Variants in CENPP observed in about 807,000 individuals in gnomAD.
CENPP encodes the protein centromere protein P.
Under a neutral mutation model 35.6 loss-of-function variants are expected in CENPP, and 24 were observed. The observed-to-expected ratio is 0.67, with a 90% CI of 0.49 to 0.95. The LOEUF (loss-of-function observed/expected upper bound fraction) is 0.95. CENPP is among the 40% of genes least tolerant of loss of function. CENPP has a pLI of 0.00. For synonymous variants in CENPP, 120 were observed against 125.5 expected (o/e 0.96, Z 0.29); for missense variants, 332 against 345.3 (o/e 0.96, Z 0.31).
At chr9:92,524,038 C>T (rs561162675) in intron 5 of CENPP, among the ~76,000 whole-genome samples, 1 of 152,334 alleles carries the variant, frequency 6.6e-6, no homozygotes, top group East Asian at 1.9e-4. Flanking sequence ...ACATGGCCCC[C>T]TCTCTGGGCC....
intron 5 of CENPP, among the ~76,000 whole-genome samples, chr9:92,395,277 T>G (rs1426692197): frequency 6.6e-6 from 1 of 152,192 alleles, no homozygotes; most frequent in African/African-American, 2.4e-5. Flanking sequence ...GAATTTTATA[T>G]TAAAAGAATC....
intron 5 of CENPP, among the ~76,000 whole-genome samples, chr9:92,411,385 G>C (rs1272467363): frequency 6.6e-6 from 1 of 152,030 alleles, no homozygotes; most frequent in Non-Finnish European, 1.5e-5. Context: ...ATGTCCACTT[G>C]CTAGGCTCAG....
intron 1 of CENPP, among the ~76,000 whole-genome samples, chr9:92,329,785 T>C (rs1466070731): frequency 6.6e-6 from 1 of 152,192 alleles, no homozygotes; most frequent in African/African-American, 2.4e-5. Context: ...TTGGCCCGAC[T>C]GGTCTTGAAC....
rs904980483 is a variant in CENPP, at chr9:92,491,039, C to T, written c.564+111180C>T. 5.3e-5 allele frequency among the ~76,000 whole-genome samples: 8 copies of T among 152,046 alleles called. No individual in the cohort carries two copies. In the South Asian group the frequency reaches 6.2e-4, roughly 12 times the overall value. On this transcript the variant is annotated intron_variant, in intron 5 of 7. Transcript: ENST00000375587. ...GAGATGGAACTCTTTATTCAAGAGACGTTTTAGCACCTACTTTGCACAAAT... is the reference window on the plus strand; with the variant it reads ...GAGATGGAACTCTTTATTCAAGAGATGTTTTAGCACCTACTTTGCACAAAT...
At chr9:92,403,240 AT>A (rs758873702) in intron 5 of CENPP, 4 of 1,562,496 alleles carry the variant, frequency 2.6e-6, no homozygotes, top group African/African-American at 2.7e-5. Flanking sequence ...GTACCTTAAT[AT>A]TTTTTCCATC....
intron 5 of CENPP, among the ~76,000 whole-genome samples, chr9:92,462,479 A>G (rs763612549): frequency 4.6e-5 from 7 of 152,194 alleles, no homozygotes; most frequent in Non-Finnish European, 8.8e-5. Flanking sequence ...TTAGCCCTAT[A>G]TACAAAGTAT....
At chr9:92,466,604 G>A (rs781724741) in intron 5 of CENPP, 1 of 1,554,844 alleles carries the variant, frequency 6.4e-7, no homozygotes, top group East Asian at 2.2e-5. Flanking sequence ...CACAATATTA[G>A]GAAGTGGATT....
At chr9:92,418,136 G>T (rs916261547) in intron 5 of CENPP, among the ~76,000 whole-genome samples, 3 of 151,372 alleles carry the variant, frequency 2.0e-5, no homozygotes, top group African/African-American at 7.3e-5. Context: ...ACCCAGGGTG[G>T]AGTGTAGTGG....
chr9:92,510,126 C>G, intron 5 of CENPP: 1 of 1,411,192 alleles, frequency 7.1e-7, no homozygotes, highest in East Asian at 2.4e-5. Flanking sequence ...GTCTCACAAA[C>G]CTATCCTTCC....
At position 92,520,694 on chromosome 9, in the gene CENPP, G is replaced by A. The variant is rs150220390; in HGVS notation, c.565-90620G>A. Among the ~76,000 whole-genome samples, 24 of 152,188 alleles carry A rather than the reference G, an allele frequency of 1.6e-4. No individual in the cohort carries two copies. In the East Asian group the frequency reaches 4.2e-3, roughly 27 times the overall value. On this transcript the variant is annotated intron_variant, in intron 5 of 7. Transcript: ENST00000375587. The stretch of plus-strand genomic sequence containing the variant: ...GTGTTATTCATGATAGCCAAAAGGT[G>A]GAAACAGCCCAGATGTTCATCAACT...
intron 5 of CENPP, among the ~76,000 whole-genome samples, chr9:92,605,481 C>T (rs1477766873): frequency 1.3e-5 from 2 of 151,926 alleles, no homozygotes; most frequent in East Asian, 3.9e-4. Flanking sequence ...CTCTATAAAC[C>T]AGAGTATCTT....
intron 5 of CENPP, chr9:92,494,219 G>C: frequency 6.7e-7 from 1 of 1,495,752 alleles, no homozygotes; most frequent in Non-Finnish European, 9.1e-7. Flanking sequence ...ATCCCAAGAT[G>C]CTAGTTCTGC....
intron 5 of CENPP, among the ~76,000 whole-genome samples, chr9:92,550,126 G>C (rs547636104): frequency 3.9e-5 from 6 of 152,300 alleles, no homozygotes; most frequent in African/African-American, 1.4e-4. Flanking sequence ...GGCCGGGCGT[G>C]GTGGCTCACG....
chr9:92,577,941 C>T (rs1850324121), intron 5 of CENPP, among the ~76,000 whole-genome samples: 1 of 108,838 alleles, frequency 9.2e-6, no homozygotes, highest in South Asian at 3.9e-4. Flanking sequence ...CAATGCTATC[C>T]CTCCCCCCTC....
chr9:92,389,027 A>G (rs1482111091), intron 5 of CENPP, among the ~76,000 whole-genome samples: 1 of 152,132 alleles, frequency 6.6e-6, no homozygotes, highest in Non-Finnish European at 1.5e-5. Flanking sequence ...CAGATTGTAC[A>G]TTTTTTGACA....
chr9:92,500,529 G>T (rs1235282780), intron 5 of CENPP, among the ~76,000 whole-genome samples: 1 of 152,214 alleles, frequency 6.6e-6, no homozygotes, highest in Non-Finnish European at 1.5e-5. Flanking sequence ...GCAAAAGTAG[G>T]AAAAGCTTAT....
At chr9:92,600,576 T>C in intron 5 of CENPP, 9 of 1,608,168 alleles carry the variant, frequency 5.6e-6, no homozygotes, top group Middle Eastern at 1.7e-4. Flanking sequence ...CACAAGCCCT[T>C]GCGAGGGTTC....
At chr9:92,372,820 C>CT (rs112464210) in intron 4 of CENPP, among the ~76,000 whole-genome samples, 5,812 of 145,076 alleles carry the variant, frequency 0.04, 143 homozygotes, top group South Asian at 0.091. Context: ...TTTTCTTTTT[C>CT]TTTTTTTTTT....
chr9:92,400,270 T>G (rs1282273966), intron 5 of CENPP, among the ~76,000 whole-genome samples: 1 of 152,018 alleles, frequency 6.6e-6, no homozygotes, highest in East Asian at 1.9e-4. Context: ...CTGCCTCAGC[T>G]TCCCGAGTAG....
Sources: allele counts gnomAD v4.1 joint callset (sites outside exome capture counted in the v4.1 genomes callset), GRCh38; gene constraint gnomAD v4.1.1; transcripts MANE v1.5; gene names NCBI Gene and HGNC (gene_info 2026-07-23, HGNC 2026-07-21).